The following PRKG2 variants were observed in gnomAD, a reference collection of about 807,000 sequenced individuals.
PRKG2 encodes the protein protein kinase cGMP-dependent 2, also known as cGMP-dependent protein kinase 2.
In PRKG2, 33 loss-of-function variants were observed where a neutral mutation model predicts 97.2. The observed-to-expected ratio is 0.34, with a 90% CI of 0.26 to 0.45. The LOEUF (loss-of-function observed/expected upper bound fraction) is 0.45. Ranked by LOEUF, PRKG2 falls within the 20% of genes least tolerant of loss-of-function variation. The probability of loss-of-function intolerance (pLI) is 1.00; values close to 1 mark genes in which losing one functional copy is unlikely to be tolerated. For missense variants in PRKG2, 638 were observed against 900.0 expected (o/e 0.71, Z 3.73); for synonymous variants, 330 against 321.8 (o/e 1.03, Z -0.27).
At chr4:81,115,349 T>C (rs60556640) in intron 14 of PRKG2, among the ~76,000 whole-genome samples, 1 of 152,184 alleles carries the variant, frequency 6.6e-6, no homozygotes, top group East Asian at 1.9e-4. Flanking sequence ...CACTAATAGT[T>C]TGAGTTATAG....
rs376958697 is a variant in PRKG2 at position 81,177,649 on chromosome 4, G to A, written c.462-2690C>T. ...CAGAAGGCGGAAGTTGTAGTGAGCC[G>A]AGCTCGCGCCACTGCACTCCAGCCT... On this transcript the variant is annotated intron_variant, in intron 2 of 18. Transcript: ENST00000264399. Among the ~76,000 whole-genome samples, 26 of 152,110 alleles carry A rather than the reference G, an allele frequency of 1.7e-4. No individual in the cohort carries two copies. The East Asian group carries it at 2.3e-3, about 14-fold the overall frequency.
chr4:81,209,958 G>C (rs1055894425), intron 1 of PRKG2, among the ~76,000 whole-genome samples: 8 of 152,150 alleles, frequency 5.3e-5, no homozygotes, highest in African/African-American at 1.9e-4. Flanking sequence ...ATACAAAAGA[G>C]AGCAAAGACA....
At chr4:81,170,247 A>C (rs1026978830) in intron 4 of PRKG2, among the ~76,000 whole-genome samples, 2 of 152,118 alleles carry the variant, frequency 1.3e-5, no homozygotes, top group Admixed American at 1.3e-4. Context: ...CATATTATTT[A>C]AGAATCTCTA....
chr4:81,151,884 A>C, intron 8 of PRKG2, 76 bp downstream of exon 8: 1 of 1,163,742 alleles, frequency 8.6e-7, no homozygotes, highest in Non-Finnish European at 1.2e-6. Flanking sequence ...GCTCAATTTA[A>C]CAACTCTAAA....
chr4:81,212,520 G>A (rs1754034028), intron 1 of PRKG2, among the ~76,000 whole-genome samples: 1 of 152,252 alleles, frequency 6.6e-6, no homozygotes, highest in Admixed American at 6.5e-5. Flanking sequence ...CTGGGTAAAA[G>A]GTAATGTCAT....
At chr4:81,160,049 T>C (rs1475640018) in intron 6 of PRKG2, among the ~76,000 whole-genome samples, 1 of 151,912 alleles carries the variant, frequency 6.6e-6, no homozygotes, top group African/African-American at 2.4e-5. Context: ...GCATGGCACA[T>C]GTATACATAT....
intron 1 of PRKG2, among the ~76,000 whole-genome samples, chr4:81,212,047 C>T (rs1754002969): frequency 6.6e-6 from 1 of 152,178 alleles, no homozygotes; most frequent in Non-Finnish European, 1.5e-5. Context: ...AAGCAAACCA[C>T]ACAGAGTTGT....
chr4:81,109,176 T>C (rs1405230288), intron 15 of PRKG2, among the ~76,000 whole-genome samples: 1 of 151,984 alleles, frequency 6.6e-6, no homozygotes, highest in African/African-American at 2.4e-5. Context: ...ACAGACAATA[T>C]AAAATGGTCT....
At chr4:81,179,396 G>A (rs560441715) in intron 2 of PRKG2, among the ~76,000 whole-genome samples, 18 of 152,236 alleles carry the variant, frequency 1.2e-4, no homozygotes, top group African/African-American at 2.6e-4. Flanking sequence ...TCTTAAAAGC[G>A]CTTCAAAGAG....
intron 6 of PRKG2, among the ~76,000 whole-genome samples, chr4:81,155,361 G>A (rs536774316): frequency 5.9e-5 from 9 of 152,064 alleles, no homozygotes; most frequent in South Asian, 4.2e-4. Context: ...GAAATGAAGC[G>A]AGAAGGGAAG....
At chr4:81,093,768 A>C (rs1741840992) in intron 17 of PRKG2, among the ~76,000 whole-genome samples, 1 of 152,186 alleles carries the variant, frequency 6.6e-6, no homozygotes, top group African/African-American at 2.4e-5. Flanking sequence ...ATATATTTCA[A>C]GTATATATTT....
At chr4:81,114,453 T>C (rs1205604030) in intron 14 of PRKG2, among the ~76,000 whole-genome samples, 2 of 152,176 alleles carry the variant, frequency 1.3e-5, no homozygotes, top group Admixed American at 6.5e-5. Flanking sequence ...AATCTTCTTA[T>C]ATAAATTGAT....
Position 81,136,601 on chromosome 4 carries a change from T to A in PRKG2, c.1634+792A>T, listed in dbSNP as rs560897186. Among the ~76,000 whole-genome samples the A allele has an allele frequency of 6.4e-4, 97 of 152,176 alleles. 1 individual carries two copies. The South Asian group carries it at 0.02, about 31-fold the overall frequency. On this transcript the variant is annotated intron_variant, in intron 13 of 18. Coordinates refer to ENST00000264399, the MANE Select transcript of PRKG2 (RefSeq NM_006259.3). ...ACTTCCCTGCTTTGTCTTAAAGCAG[T>A]TTCCCTGCCTCTCTGCCTTTCCAAA...
chr4:81,204,520 TA>T (rs1209315975), intron 2 of PRKG2, 66 bp downstream of exon 2: 2 of 1,443,448 alleles, frequency 1.4e-6, no homozygotes, highest in African/African-American at 2.8e-5. Flanking sequence ...GGAGGCTTAA[TA>T]AATGTCACTC....
intron 2 of PRKG2, among the ~76,000 whole-genome samples, chr4:81,185,329 T>C (rs1397514678): frequency 6.6e-6 from 1 of 151,980 alleles, no homozygotes; most frequent in African/African-American, 2.4e-5. Flanking sequence ...TATTCAACAT[T>C]CTTAAAGAAA....
intron 2 of PRKG2, among the ~76,000 whole-genome samples, chr4:81,180,968 T>C (rs1422672367): frequency 8.3e-6 from 1 of 120,578 alleles, no homozygotes; most frequent in Non-Finnish European, 1.5e-5. Context: ...GTATATCTCC[T>C]AGCTATCCCT....
rs571966467 is a variant in PRKG2 at position 81,126,577 on chromosome 4, C to A, written c.1776+8578G>T. On this transcript the variant is annotated intron_variant, in intron 14 of 18. Transcript: ENST00000264399. Reference sequence around the variant, plus strand: ...TCTTAATGATTGCCCTTCTAACTGGCGTGAGCTGGTATCTCATTGTGGTTT... The same window carrying A: ...TCTTAATGATTGCCCTTCTAACTGGAGTGAGCTGGTATCTCATTGTGGTTT... Among the ~76,000 whole-genome samples the A allele has an allele frequency of 3.3e-5, 5 of 152,264 alleles. No homozygotes were observed. The South Asian group carries it at 8.3e-4, about 25-fold the overall frequency.
At chr4:81,210,330 T>C (rs1411904705) in intron 1 of PRKG2, among the ~76,000 whole-genome samples, 1 of 150,690 alleles carries the variant, frequency 6.6e-6, no homozygotes, top group South Asian at 2.1e-4. Flanking sequence ...CTAAAACATA[T>C]GTCTAATTCT....
chr4:81,137,524 G>T, intron 12 of PRKG2, 42 bp from the exon 13 acceptor site: 1 of 1,500,962 alleles, frequency 6.7e-7, no homozygotes, highest in African/African-American at 1.4e-5. Flanking sequence ...TGGAAATCTA[G>T]TTTAAAAACC....
Sources: gnomAD v4.1 joint callset for allele counts (sites outside exome capture counted in the v4.1 genomes callset) on GRCh38, gnomAD v4.1.1 for gene constraint, MANE v1.5 for transcripts, NCBI Gene and HGNC (gene_info 2026-07-23, HGNC 2026-07-21) for gene names.